MACROD2: variants seen among roughly 807,000 people sequenced by gnomAD.
MACROD2 encodes the protein ADP-ribose glycohydrolase MACROD2.
MACROD2 carries 36 observed loss-of-function variants against 70.4 expected under a neutral mutation model. The ratio of observed to expected loss-of-function variants is 0.51; its 90% CI spans 0.39 to 0.68. MACROD2 has a LOEUF of 0.68. MACROD2 is among the 30% of genes least tolerant of loss of function. The probability of loss-of-function intolerance (pLI) is 0.00; values close to 1 mark genes in which losing one functional copy is unlikely to be tolerated. For synonymous variants in MACROD2, 172 were observed against 178.8 expected, an observed-to-expected ratio of 0.96 and a Z score of 0.30; for missense variants, 496 against 538.4, an observed-to-expected ratio of 0.92 and a Z score of 0.78.
chr20:15,624,859 A>C lies in MACROD2; in HGVS notation c.645+125012A>C, dbSNP rs6043400. The stretch of plus-strand genomic sequence containing the variant: ...TTATTTTCTTCCAAACATAACAACT[A>C]TATGAAATCTAACCCTACAGAGCCC... On this transcript the variant is annotated intron_variant, in intron 8 of 17. Transcript: ENST00000684519. Among the ~76,000 whole-genome samples, 1,466 of 152,310 alleles carry C rather than the reference A, an allele frequency of 9.6e-3. 20 individuals are homozygous for C. Among genetic ancestry groups the C allele is most frequent in the African/African-American group, 0.033 (1,392 of 41,564 alleles).
intron 5 of MACROD2, among the ~76,000 whole-genome samples, chr20:15,198,291 T>A (rs947394533): frequency 6.6e-5 from 10 of 152,088 alleles, no homozygotes; most frequent in African/African-American, 2.4e-4. Flanking sequence ...GATTACAAGG[T>A]GTGAGCCACT....
At chr20:14,244,853 A>G (rs2122245854) in intron 3 of MACROD2, among the ~76,000 whole-genome samples, 1 of 152,296 alleles carries the variant, frequency 6.6e-6, no homozygotes, top group South Asian at 2.1e-4. Flanking sequence ...GAAAAGATTA[A>G]TCTGGTTACT....
intron 5 of MACROD2, among the ~76,000 whole-genome samples, chr20:14,736,092 T>G (rs6079546): frequency 0.41 from 62,137 of 151,916 alleles, 13,983 homozygotes; most frequent in Non-Finnish European, 0.51. Flanking sequence ...CATCATTTGA[T>G]GAATGGATAA....
At chr20:14,342,730 T>C (rs1392641636) in intron 3 of MACROD2, among the ~76,000 whole-genome samples, 1 of 152,228 alleles carries the variant, frequency 6.6e-6, no homozygotes, top group Non-Finnish European at 1.5e-5. Context: ...TTGCCTTTTA[T>C]TAGTCAACAC....
intron 4 of MACROD2, among the ~76,000 whole-genome samples, chr20:14,506,884 G>C (rs1313641368): frequency 6.6e-6 from 1 of 152,168 alleles, no homozygotes; most frequent in East Asian, 1.9e-4. Flanking sequence ...CCAGGAGGCG[G>C]AGGTTGCAGT....
chr20:14,259,036 G>A (rs1255473858), intron 3 of MACROD2, among the ~76,000 whole-genome samples: 1 of 152,068 alleles, frequency 6.6e-6, no homozygotes, highest in Non-Finnish European at 1.5e-5. Context: ...TCTGCCTCCC[G>A]GGTTCAAGCA....
chr20:14,616,543 G>A (rs1983490695), intron 4 of MACROD2, among the ~76,000 whole-genome samples: 1 of 152,074 alleles, frequency 6.6e-6, no homozygotes. Flanking sequence ...GCCACCCTCG[G>A]TGATTTAATT....
chr20:14,549,587 CT>C (rs897546374), intron 4 of MACROD2, among the ~76,000 whole-genome samples: 36 of 148,948 alleles, frequency 2.4e-4, no homozygotes, highest in African/African-American at 7.4e-4. Context: ...ATTACTTCTA[CT>C]TTTTTTTTTC....
At chr20:15,428,528 A>G (rs1477400991) in intron 6 of MACROD2, among the ~76,000 whole-genome samples, 1 of 152,176 alleles carries the variant, frequency 6.6e-6, no homozygotes, top group East Asian at 1.9e-4. Context: ...ATCATCAAGG[A>G]TGGGAAGTTG....
intron 5 of MACROD2, 69 bp downstream of exon 5, chr20:14,685,028 C>A: frequency 8.1e-7 from 1 of 1,236,172 alleles, no homozygotes; most frequent in Non-Finnish European, 1.2e-6. Flanking sequence ...CAGTGTATAA[C>A]TGGAAAAGGA....
intron 6 of MACROD2, among the ~76,000 whole-genome samples, chr20:15,306,597 T>C (rs1254333720): frequency 6.6e-6 from 1 of 152,168 alleles, no homozygotes; most frequent in Non-Finnish European, 1.5e-5. Context: ...GTCTGTTTTC[T>C]CAGGGTCTAT....
chr20:14,787,001 T>G lies in MACROD2; in HGVS notation c.418+102042T>G, dbSNP rs142694407. On this transcript the variant is annotated intron_variant, in intron 5 of 17. Transcript: ENST00000684519. ...AGGCAATTTCTAAGGAGGTCAAGGT[T>G]GCAGGCTTAAGTCTTACATGAATCA... 3.0e-3 allele frequency among the ~76,000 whole-genome samples: 457 copies of G among 152,186 alleles called. 5 individuals carry two copies. Among genetic ancestry groups the G allele is most frequent in the Admixed American group, 0.028 (428 of 15,294 alleles).
chr20:15,768,096 C>A (rs2051557635), intron 8 of MACROD2, among the ~76,000 whole-genome samples: 1 of 151,228 alleles, frequency 6.6e-6, no homozygotes, highest in Non-Finnish European at 1.5e-5. Flanking sequence ...AAAGTTACTG[C>A]AAAAAGAAAA....
intron 5 of MACROD2, among the ~76,000 whole-genome samples, chr20:15,177,586 G>A (rs2076471702): frequency 1.3e-5 from 2 of 152,246 alleles, no homozygotes; most frequent in South Asian, 4.1e-4. Flanking sequence ...ACTGAACTCT[G>A]CATTTTTTCT....
At chr20:15,434,570 G>A (rs531230198) in intron 7 of MACROD2, among the ~76,000 whole-genome samples, 6 of 152,198 alleles carry the variant, frequency 3.9e-5, no homozygotes, top group East Asian at 3.9e-4. Flanking sequence ...CACTGCTGGC[G>A]GGAATGTAAA....
intron 2 of MACROD2, among the ~76,000 whole-genome samples, chr20:14,013,479 A>C (rs2052942916): frequency 1.3e-5 from 2 of 151,510 alleles, no homozygotes; most frequent in Admixed American, 6.6e-5. Flanking sequence ...TCACCGTGTT[A>C]GCCAGGATGA....
chr20:14,264,016 CACACACACACAA>C (rs1300461495), intron 3 of MACROD2, among the ~76,000 whole-genome samples: 4 of 103,876 alleles, frequency 3.9e-5, no homozygotes, highest in Non-Finnish European at 8.9e-5. Flanking sequence ...CACACACACA[CACACACACACAA>C]CACAAGTGAA....
intron 5 of MACROD2, among the ~76,000 whole-genome samples, chr20:14,723,795 T>C (rs758531193): frequency 2.6e-5 from 4 of 152,002 alleles, no homozygotes; most frequent in Non-Finnish European, 5.9e-5. Flanking sequence ...AGATTTCAGA[T>C]TGCATACGTA....
intron 3 of MACROD2, among the ~76,000 whole-genome samples, chr20:14,246,244 T>C (rs953423259): frequency 3.9e-5 from 6 of 152,246 alleles, no homozygotes; most frequent in African/African-American, 1.4e-4. Context: ...GTGCTTCTCA[T>C]GCAGGCAGGC....
Sources: allele counts gnomAD v4.1 joint callset (sites outside exome capture counted in the v4.1 genomes callset), GRCh38; gene constraint gnomAD v4.1.1; transcripts MANE v1.5; gene names NCBI Gene and HGNC (gene_info 2026-07-23, HGNC 2026-07-21).